Variants in RGS22 observed in about 807,000 individuals in gnomAD.
RGS22 encodes regulator of G-protein signaling 22.
Under a neutral mutation model 172.9 loss-of-function variants are expected in RGS22, and 148 were observed. That is an observed-to-expected ratio of 0.86 (90% CI 0.75 to 0.98). RGS22 has a LOEUF of 0.98. RGS22 is among the 50% of genes least tolerant of loss of function. The probability of loss-of-function intolerance (pLI) is 0.00; values close to 1 mark genes in which losing one functional copy is unlikely to be tolerated. For synonymous variants in RGS22, 458 were observed against 480.2 expected, an observed-to-expected ratio of 0.95 and a Z score of 0.60; for missense variants, 1,347 against 1,440.8, an observed-to-expected ratio of 0.93 and a Z score of 1.05.
chr8:100,105,353 G>A, intron 2 of RGS22, 21 bp downstream of exon 2: 6 of 1,593,086 alleles, frequency 3.8e-6, no homozygotes, highest in Non-Finnish European at 5.2e-6. Flanking sequence ...GAAAAAAATA[G>A]CCCCTTGAAA....
intron 14 of RGS22, 161 bp downstream of exon 14, chr8:100,038,770 A>C (rs888317790): frequency 7.1e-6 from 3 of 424,354 alleles, no homozygotes; most frequent in Non-Finnish European, 1.3e-5. Flanking sequence ...TCATATTATA[A>C]AACAATATTT....
intron 16 of RGS22, chr8:100,004,476 T>A (rs910556714): frequency 3.3e-5 from 5 of 153,066 alleles, no homozygotes; most frequent in African/African-American, 1.2e-4. Context: ...TAACATTTTT[T>A]AATATATCCT....
In RGS22 at chr8:99,978,091, T is replaced by C. The variant is rs575373815; in HGVS notation, c.3361-16A>G. On this transcript the variant is annotated splice_polypyrimidine_tract_variant and intron_variant, in intron 22 of 27. Transcript: ENST00000360863. ...AAATTGTCATCTGTATAAAAAAAAG[T>C]CTAAGATTACAATTTTATACAAAGG... 3.4e-5 allele frequency: 50 copies of C among 1,464,692 alleles called. No individual in the cohort carries two copies. In the South Asian group the frequency reaches 6.5e-4, roughly 19 times the overall value. 90.7% of individuals were successfully genotyped at this position (1,464,692 alleles called of 1,614,324 possible).
chr8:99,974,759 C>A (rs1811743503), intron 23 of RGS22, among the ~76,000 whole-genome samples: 1 of 150,412 alleles, frequency 6.6e-6, no homozygotes, highest in Non-Finnish European at 1.5e-5. Flanking sequence ...GATCATCCCA[C>A]TGCACTCCAG....
At chr8:99,977,270 A>ATTTTTTTTT (rs895569407) in intron 23 of RGS22, among the ~76,000 whole-genome samples, 105 of 120,372 alleles carry the variant, frequency 8.7e-4, no homozygotes, top group Non-Finnish European at 1.1e-3. Context: ...CGCCCGGTTA[A>ATTTTTTTTT]TTTTTTTTTT....
rs1299537608 is a variant in RGS22, at chr8:100,051,653, ATATAAATATATATT to A, written c.1689+1135_1689+1148del. Among the ~76,000 whole-genome samples, 27 of 47,342 alleles carry A rather than the reference ATATAAATATATATT, an allele frequency of 5.7e-4. 7 individuals are homozygous for A. The highest frequency in any genetic ancestry group is 1.6e-3 in the Admixed American group (4 of 2,516). The allele number at this position is 47,342 out of a possible 152,430, so 31.1% of individuals were successfully genotyped here. On this transcript the variant is annotated intron_variant, in intron 10 of 27. Transcript: ENST00000360863. ...TATATATTTATATATGTTTATACATATATAAATATATATTTATATATGTTTATACATATATATAT... is the reference window on the plus strand; with the variant it reads ...TATATATTTATATATGTTTATACATATATATATGTTTATACATATATATAT...
intron 15 of RGS22, among the ~76,000 whole-genome samples, chr8:100,006,889 C>T (rs1236971588): frequency 2.6e-5 from 4 of 151,764 alleles, no homozygotes; most frequent in African/African-American, 7.3e-5. Flanking sequence ...TGACTAATGC[C>T]GAAACTTTTT....
chr8:99,980,609 A>C (rs529292246), intron 22 of RGS22, among the ~76,000 whole-genome samples: 6 of 152,338 alleles, frequency 3.9e-5, no homozygotes, highest in African/African-American at 1.2e-4. Context: ...GTGGCCCCTA[A>C]ATAAAGATTA....
intron 23 of RGS22, among the ~76,000 whole-genome samples, chr8:99,969,872 C>A (rs1026992129): frequency 7.2e-5 from 11 of 152,144 alleles, no homozygotes; most frequent in African/African-American, 2.7e-4. Flanking sequence ...CTGCTCTGGA[C>A]CAAGTGGACC....
chr8:100,005,754 C>T (rs1024395704), intron 16 of RGS22, among the ~76,000 whole-genome samples: 2 of 152,136 alleles, frequency 1.3e-5, no homozygotes, highest in African/African-American at 4.8e-5. Context: ...GTTGAAGGCT[C>T]CAATGTCTGG....
chr8:100,008,240 G>A (rs146210480), intron 15 of RGS22, 135 bp downstream of exon 15: 17,660 of 726,118 alleles, frequency 0.024, 300 homozygotes, highest in Non-Finnish European at 0.026. Flanking sequence ...TTTTCACCAC[G>A]TTAGCTAGGC....
At chr8:100,067,621 A>AT (rs5893506) in intron 6 of RGS22, among the ~76,000 whole-genome samples, 2,271 of 124,478 alleles carry the variant, frequency 0.018, 42 homozygotes, top group Admixed American at 0.03. Context: ...CACTTTATAC[A>AT]TTTTTTTTTT....
chr8:100,008,235 A>G, intron 15 of RGS22, 140 bp downstream of exon 15: 2 of 687,050 alleles, frequency 2.9e-6, no homozygotes, highest in Non-Finnish European at 4.8e-6. Context: ...ATGGGTTTTC[A>G]CCACGTTAGC....
intron 18 of RGS22, 86 bp from the exon 19 acceptor site, chr8:99,999,506 C>T: frequency 4.8e-6 from 7 of 1,445,108 alleles, no homozygotes; most frequent in Non-Finnish European, 6.6e-6. Context: ...CACTACAAAA[C>T]CATTTGCTGC....
chr8:99,974,705 G>T (rs1588883392), intron 23 of RGS22, among the ~76,000 whole-genome samples: 1 of 151,734 alleles, frequency 6.6e-6, no homozygotes, highest in East Asian at 1.9e-4. Context: ...GTCTGAGGCA[G>T]GAGAATTGCT....
At chr8:100,055,293 AAGAG>A (rs1303950228) in intron 9 of RGS22, among the ~76,000 whole-genome samples, 1 of 152,190 alleles carries the variant, frequency 6.6e-6, no homozygotes, top group Non-Finnish European at 1.5e-5. Flanking sequence ...TCAGAACAGA[AAGAG>A]AGACTCTATT....
chr8:99,996,603 C>A, intron 19 of RGS22, 73 bp from the exon 20 acceptor site: 2 of 1,219,998 alleles, frequency 1.6e-6, no homozygotes, highest in Admixed American at 2.0e-5. Flanking sequence ...AATTAAGTAG[C>A]TAAAAAAATG....
chr8:100,002,261 G>C lies in RGS22; in HGVS notation c.2731C>G (p.Leu911Val), dbSNP rs372845867. 219 of 1,609,762 alleles carry C rather than the reference G, an allele frequency of 1.4e-4. 5 individuals are homozygous for C. The South Asian group carries it at 1.9e-3, about 14-fold the overall frequency. ...GGTCCAAAGAAATATTTTTTATTAA[G>C]GTATTTGTTTTTAATGTATATAGAT... ...AKSIYIKNKYLNKKYFFGPNS... is the reference protein window; with the variant it reads ...AKSIYIKNKYVNKKYFFGPNS... The change falls in exon 18 of 28, where the codon CTT (leucine) becomes GTT (valine). Residue 911 changes from leucine (L) to valine (V), a missense_variant. By Grantham distance (32) the Leu-to-Val change is conservative. Coordinates refer to ENST00000360863, the MANE Select transcript of RGS22 (RefSeq NM_015668.5).
intron 12 of RGS22, 78 bp downstream of exon 12, chr8:100,041,723 CA>C (rs1820147076): frequency 1.3e-6 from 1 of 761,198 alleles, no homozygotes; most frequent in African/African-American, 1.8e-5. Context: ...TATGATAAAT[CA>C]ATACAAATTC....
Sources: allele counts gnomAD v4.1 joint callset (sites outside exome capture counted in the v4.1 genomes callset), GRCh38; gene constraint gnomAD v4.1.1; transcripts MANE v1.5; gene names NCBI Gene and HGNC (gene_info 2026-07-23, HGNC 2026-07-21).